ATP6V1A: variants seen among roughly 807,000 people sequenced by gnomAD.
ATP6V1A encodes the protein ATPase H+ transporting V1 subunit A, also known as V-type proton ATPase catalytic subunit A.
ATP6V1A carries 18 observed loss-of-function variants against 70.1 expected under a neutral mutation model. The ratio of observed to expected loss-of-function variants is 0.26; its 90% CI spans 0.18 to 0.38. ATP6V1A has a LOEUF of 0.38. Ranked by LOEUF, ATP6V1A falls within the 10% of genes least tolerant of loss-of-function variation. The pLI, the probability that ATP6V1A is intolerant of heterozygous loss-of-function variation, is 1.00. For missense variants in ATP6V1A, 424 were observed against 772.4 expected (o/e 0.55, Z 5.35); for synonymous variants, 232 against 253.8 (o/e 0.91, Z 0.82).
chr3:113,785,284 A>T lies in ATP6V1A; in HGVS notation c.564+451A>T, dbSNP rs546184156. 3.9e-5 allele frequency among the ~76,000 whole-genome samples: 6 copies of T among 152,190 alleles called. No homozygotes were observed. The South Asian group carries it at 1.2e-3, about 32-fold the overall frequency. ...GTGAAACCCTGTCTCTACTAAAAATACAAAAATTAGCCAGGCGTGGTGGCG... is the reference window on the plus strand; with the variant it reads ...GTGAAACCCTGTCTCTACTAAAAATTCAAAAATTAGCCAGGCGTGGTGGCG... On this transcript the variant is annotated intron_variant, in intron 5 of 14. Transcript: ENST00000273398.
At chr3:113,785,506 C>CCTTTTTTT (rs1392170740) in intron 5 of ATP6V1A, among the ~76,000 whole-genome samples, 3 of 107,174 alleles carry the variant, frequency 2.8e-5, no homozygotes, top group Admixed American at 1.1e-4. Flanking sequence ...TTTTTCTTTT[C>CCTTTTTTT]TTTTTTTTTT....
intron 1 of ATP6V1A, among the ~76,000 whole-genome samples, chr3:113,757,489 A>G (rs1559748463): frequency 6.6e-6 from 1 of 152,226 alleles, no homozygotes; most frequent in African/African-American, 2.4e-5. Flanking sequence ...AAACCCTTCT[A>G]TGCCTCATGG....
chr3:113,786,415 T>C (rs991632372), intron 6 of ATP6V1A, 32 bp downstream of exon 6: 4 of 1,608,760 alleles, frequency 2.5e-6, no homozygotes, highest in Non-Finnish European at 3.4e-6. Flanking sequence ...CGATTTTCCC[T>C]CAGAGTTATT....
In ATP6V1A at chr3:113,805,400, G is replaced by A. The variant is rs745342761; in HGVS notation, c.1636G>A (p.Ala546Thr). The change falls in exon 14 of 15, where the codon GCA becomes ACA. Residue 546 changes from alanine to threonine, a missense_variant. This residue lies in a region of ATP6V1A where 127 missense variants were observed against 207.9 expected (regional missense o/e 0.61). Coordinates refer to ENST00000273398, the MANE Select transcript of ATP6V1A (RefSeq NM_001690.4). ...AGTAGGGATGCTGTCCAACATGATT[G>A]CATTTTATGATATGGCTCGTAGAGC... ...KTVGMLSNMI[A>T]FYDMARRAVE... The A allele has an allele frequency of 3.7e-6, 6 of 1,613,956 alleles. No individual in the cohort carries two copies. In the African/African-American group the frequency reaches 6.7e-5, roughly 18 times the overall value.
In ATP6V1A at chr3:113,805,402, A is replaced by G. The variant is rs1318819549; in HGVS notation, c.1638A>G (p.Ala546=). ...KTVGMLSNMI[A]FYDMARRAVE... ...TAGGGATGCTGTCCAACATGATTGCATTTTATGATATGGCTCGTAGAGCTG... is the reference window on the plus strand; with the variant it reads ...TAGGGATGCTGTCCAACATGATTGCGTTTTATGATATGGCTCGTAGAGCTG... Residue 546 remains alanine, a synonymous_variant, in exon 14 of 15, where the codon GCA becomes GCG. Transcript: ENST00000273398. 1 of 1,614,104 alleles carries G rather than the reference A, an allele frequency of 6.2e-7. No individual in the cohort carries two copies. Among genetic ancestry groups the G allele is most frequent in the South Asian group, 1.1e-5 (1 of 91,076 alleles).
At chr3:113,747,237 C>G (rs1708533436) in intron 1 of ATP6V1A, 124 bp downstream of exon 1, 1 of 152,310 alleles carries the variant, frequency 6.6e-6, no homozygotes, top group South Asian at 2.1e-4. Context: ...CGCTGTCACC[C>G]TGCACCGGCA....
intron 12 of ATP6V1A, 145 bp from the exon 13 acceptor site, chr3:113,803,438 A>G (rs1709238008): frequency 3.1e-6 from 2 of 643,222 alleles, no homozygotes; most frequent in Non-Finnish European, 2.7e-6. Flanking sequence ...TTTAAAAAGA[A>G]CATCAATCAA....
Position 113,805,471 on chromosome 3 carries a change from T to C in ATP6V1A, c.1707T>C (p.Ile569=). 1 of 1,614,014 alleles carries C rather than the reference T, an allele frequency of 6.2e-7. No individual in the cohort carries two copies. The highest frequency in any genetic ancestry group is 8.5e-7 in the Non-Finnish European group (1 of 1,179,852). The part of the protein sequence containing the change: ...AQSDNKITWS[I]IREHMGDILY... ...GTGACAATAAAATCACATGGTCCATTATTCGTGAGCACATGGGAGACATCC... is the reference window on the plus strand; with the variant it reads ...GTGACAATAAAATCACATGGTCCATCATTCGTGAGCACATGGGAGACATCC... Residue 569 remains isoleucine, a synonymous_variant, in exon 14 of 15, where the codon ATT becomes ATC. Transcript: ENST00000273398.
At chr3:113,795,338 C>T (rs1236025200) in intron 10 of ATP6V1A, 134 bp downstream of exon 10, 4 of 929,732 alleles carry the variant, frequency 4.3e-6, no homozygotes, top group Admixed American at 3.0e-5. Flanking sequence ...GAGGGTTGCA[C>T]TCCAGAGTCA....
At chr3:113,773,209 A>T (rs1708871113) in intron 1 of ATP6V1A, among the ~76,000 whole-genome samples, 1 of 152,004 alleles carries the variant, frequency 6.6e-6, no homozygotes, top group African/African-American at 2.4e-5. Flanking sequence ...AAGTGCTGGG[A>T]TTACAGGTGT....
intron 1 of ATP6V1A, among the ~76,000 whole-genome samples, chr3:113,747,763 AC>A (rs1443335629): frequency 6.6e-6 from 1 of 152,188 alleles, no homozygotes; most frequent in African/African-American, 2.4e-5. Context: ...TTGAAGGAAT[AC>A]TGTCTTCAAA....
Position 113,795,824 on chromosome 3 carries a change from G to A in ATP6V1A, c.1227-52G>A, listed in dbSNP as rs545387949. 7.8e-5 allele frequency: 107 copies of A among 1,373,966 alleles called. No homozygotes were observed. In the African/African-American group the frequency reaches 1.4e-3, roughly 19 times the overall value. The allele number at this position is 1,373,966 out of a possible 1,614,324, so 85.1% of individuals were successfully genotyped here. ...TTTATATATATGTTATTTTTCATAAGCATTTCTAATGACCATTTTTTTTGT... is the reference window on the plus strand; with the variant it reads ...TTTATATATATGTTATTTTTCATAAACATTTCTAATGACCATTTTTTTTGT... On this transcript the variant is annotated intron_variant, in intron 10 of 14. Coordinates refer to ENST00000273398, the MANE Select transcript of ATP6V1A (RefSeq NM_001690.4).
rs913542595 is a variant in ATP6V1A at position 113,811,645 on chromosome 3, T to C, written c.*2218T>C. The stretch of plus-strand genomic sequence containing the variant: ...TGTTTTGAATTTGAAATCATTCTTA[T>C]TCCCTTTAAGAATGTTTATGTATGA... On this transcript the variant is annotated 3_prime_UTR_variant, in exon 15 of 15. Coordinates refer to ENST00000273398, the MANE Select transcript of ATP6V1A (RefSeq NM_001690.4). The C allele has an allele frequency of 8.5e-5, 13 of 152,768 alleles. No individual in the cohort carries two copies. The highest frequency in any genetic ancestry group is 2.1e-4 in the South Asian group (1 of 4,832). 9.5% of individuals were successfully genotyped at this position (152,768 alleles called of 1,614,324 possible).
At chr3:113,777,715 T>TA (rs1467254899) in intron 1 of ATP6V1A, among the ~76,000 whole-genome samples, 2 of 152,226 alleles carry the variant, frequency 1.3e-5, no homozygotes, top group East Asian at 3.9e-4. Context: ...ATCACACCAT[T>TA]ACACTCCTGC....
intron 1 of ATP6V1A, among the ~76,000 whole-genome samples, chr3:113,777,630 G>A (rs1173830344): frequency 6.6e-6 from 1 of 152,228 alleles, no homozygotes. Flanking sequence ...GGACACACCT[G>A]TGGTCCCAGG....
At chr3:113,780,633 A>C (rs1559754928) in intron 2 of ATP6V1A, 1 of 658,436 alleles carries the variant, frequency 1.5e-6, no homozygotes, top group Non-Finnish European at 2.2e-6. Flanking sequence ...AAATGGTAAC[A>C]GCACAGCGAA....
At chr3:113,756,737 T>C (rs1357423915) in intron 1 of ATP6V1A, among the ~76,000 whole-genome samples, 1 of 152,236 alleles carries the variant, frequency 6.6e-6, no homozygotes, top group Non-Finnish European at 1.5e-5. Context: ...ATAGATATTG[T>C]TGAAAAAGTA....
Position 113,786,223 on chromosome 3 carries a change from T to A in ATP6V1A, c.565-9T>A. The stretch of plus-strand genomic sequence containing the variant: ...TTGACCATACTAAAATCCTACTGTA[T>A]TTCTATAGGATGTTGTCTTGGAGCT... On this transcript the variant is annotated splice_polypyrimidine_tract_variant and intron_variant, in intron 5 of 14. Transcript: ENST00000273398. 2.5e-6 allele frequency: 4 copies of A among 1,596,776 alleles called. No individual in the cohort carries two copies. Among genetic ancestry groups the A allele is most frequent in the Non-Finnish European group, 3.4e-6 (4 of 1,169,366 alleles).
chr3:113,755,358 C>T (rs1302849802), intron 1 of ATP6V1A, among the ~76,000 whole-genome samples: 1 of 146,278 alleles, frequency 6.8e-6, no homozygotes, highest in Non-Finnish European at 1.5e-5. Context: ...AATCCCAGCA[C>T]TTTGGGAGGC....
Sources: gnomAD v4.1 joint callset for allele counts (sites outside exome capture counted in the v4.1 genomes callset) on GRCh38, gnomAD v4.1.1 for gene constraint, gnomAD v4.1.1 regional missense constraint, MANE v1.5 for transcripts, NCBI Gene and HGNC (gene_info 2026-07-23, HGNC 2026-07-21) for gene names.